Variants in SOX5 observed in about 807,000 individuals in gnomAD.
The protein encoded by SOX5 is SRY-box transcription factor 5.
In SOX5, 9 loss-of-function variants were observed where a neutral mutation model predicts 92.0. The observed-to-expected ratio is 0.10, with a 90% confidence interval of 0.06 to 0.17. The LOEUF (loss-of-function observed/expected upper bound fraction) is 0.17, where lower values mean the gene tolerates loss of function less well. Ranked by LOEUF, SOX5 falls within the 10% of genes least tolerant of loss-of-function variation. The pLI is 1.00. For synonymous variants in SOX5, 344 were observed against 336.3 expected (o/e 1.02, Z -0.25); for missense variants, 642 against 944.5 (o/e 0.68, Z 4.20).
At chr12:24,413,841 G>C (rs1479086089) in intron 1 of SOX5, among the ~76,000 whole-genome samples, 4 of 152,180 alleles carry the variant, frequency 2.6e-5, no homozygotes, top group Non-Finnish European at 5.9e-5. Context: ...CAGGCTACCA[G>C]AGTGGCAAAT....
chr12:23,802,807 A>G (rs985440731), intron 3 of SOX5, among the ~76,000 whole-genome samples: 3 of 152,128 alleles, frequency 2.0e-5, no homozygotes, highest in African/African-American at 4.8e-5. Context: ...TAACTCTGCA[A>G]CTCACATAAT....
chr12:23,900,981 C>G (rs1339117093), intron 1 of SOX5, among the ~76,000 whole-genome samples: 1 of 152,012 alleles, frequency 6.6e-6, no homozygotes, highest in Non-Finnish European at 1.5e-5. Context: ...CAAAAAACAA[C>G]AGAAGAAAGA....
At chr12:23,785,135 GA>G (rs2095356036) in intron 3 of SOX5, among the ~76,000 whole-genome samples, 1 of 152,096 alleles carries the variant, frequency 6.6e-6, no homozygotes, top group Non-Finnish European at 1.5e-5. Flanking sequence ...CATCTTCTTT[GA>G]GAAAGATCAC....
chr12:24,316,758 TA>T (rs1949731228), intron 2 of SOX5, among the ~76,000 whole-genome samples: 1 of 152,224 alleles, frequency 6.6e-6, no homozygotes, highest in African/African-American at 2.4e-5. Context: ...AGGCTTCCTT[TA>T]AAAAGCATTC....
intron 2 of SOX5, among the ~76,000 whole-genome samples, chr12:24,334,711 AG>A (rs1951697223): frequency 6.6e-6 from 1 of 152,190 alleles, no homozygotes; most frequent in African/African-American, 2.4e-5. Flanking sequence ...TATAATTTAC[AG>A]CAAAACATTA....
At chr12:23,980,606 C>T (rs1949482674) in intron 4 of SOX5, among the ~76,000 whole-genome samples, 1 of 152,142 alleles carries the variant, frequency 6.6e-6, no homozygotes, top group Admixed American at 6.5e-5. Context: ...AAACATCTGC[C>T]AAATGACAAC....
chr12:24,383,766 G>A (rs1404861410), intron 1 of SOX5, among the ~76,000 whole-genome samples: 1 of 152,138 alleles, frequency 6.6e-6, no homozygotes, highest in Non-Finnish European at 1.5e-5. Context: ...ACTGGTTGGG[G>A]GGTACTGGGG....
At chr12:24,058,768 G>A (rs1456436097) in intron 4 of SOX5, among the ~76,000 whole-genome samples, 2 of 151,532 alleles carry the variant, frequency 1.3e-5, no homozygotes, top group African/African-American at 4.8e-5. Context: ...CCTTCATCAG[G>A]TTGCTGTAAT....
chr12:23,885,523 T>C (rs1235885925), intron 2 of SOX5, among the ~76,000 whole-genome samples: 1 of 152,166 alleles, frequency 6.6e-6, no homozygotes, highest in Non-Finnish European at 1.5e-5. Context: ...AATGATAACA[T>C]TGTTTGCCCT....
At chr12:24,212,209 T>C (rs753010258) in intron 4 of SOX5, among the ~76,000 whole-genome samples, 1 of 152,036 alleles carries the variant, frequency 6.6e-6, no homozygotes, top group Non-Finnish European at 1.5e-5. Context: ...GGGTAAGGAG[T>C]GTTCTCTCAA....
intron 1 of SOX5, among the ~76,000 whole-genome samples, chr12:24,375,702 C>T (rs867914939): frequency 9.5e-5 from 14 of 146,836 alleles, no homozygotes; most frequent in South Asian, 2.1e-4. Flanking sequence ...CGCCATTGCA[C>T]TCCAGCCTAG....
At chr12:24,345,357 A>G (rs1270063244) in intron 2 of SOX5, among the ~76,000 whole-genome samples, 1 of 152,100 alleles carries the variant, frequency 6.6e-6, no homozygotes, top group Non-Finnish European at 1.5e-5. Context: ...GCCTACACCA[A>G]CTTCCAAGCC....
chr12:24,356,376 A>C (rs1352820290), intron 2 of SOX5, among the ~76,000 whole-genome samples: 1 of 152,122 alleles, frequency 6.6e-6, no homozygotes, highest in Non-Finnish European at 1.5e-5. Context: ...AGAAACATGC[A>C]AATGCTTTTC....
intron 3 of SOX5, chr12:24,238,015 G>A (rs1256587110): frequency 1.3e-5 from 2 of 152,164 alleles, no homozygotes; most frequent in Admixed American, 1.3e-4. Flanking sequence ...AACCTCAGCT[G>A]AAGAGGAACA....
chr12:23,575,977 C>G (rs550983972), intron 9 of SOX5, 139 bp from the exon 10 acceptor site: 1 of 604,402 alleles, frequency 1.7e-6, no homozygotes, highest in African/African-American at 1.9e-5. Context: ...CTGAACATTA[C>G]AGCATTTGCT....
At chr12:24,456,909 T>C (rs531762046) in intron 1 of SOX5, among the ~76,000 whole-genome samples, 3 of 152,314 alleles carry the variant, frequency 2.0e-5, no homozygotes, top group Admixed American at 6.5e-5. Context: ...ATCATTTACT[T>C]TGAAAGATCA....
At chr12:24,423,116 G>A (rs1412975159) in intron 1 of SOX5, among the ~76,000 whole-genome samples, 1 of 152,160 alleles carries the variant, frequency 6.6e-6, no homozygotes, top group Non-Finnish European at 1.5e-5. Context: ...GAAGAAATCT[G>A]CACTCCTATA....
At chr12:24,195,402 C>T (rs923854179) in intron 4 of SOX5, among the ~76,000 whole-genome samples, 3 of 151,948 alleles carry the variant, frequency 2.0e-5, no homozygotes, top group Non-Finnish European at 4.4e-5. Context: ...ACAAGAGAAC[C>T]GAGGCAATTA....
At chr12:24,420,483 T>C (rs1965746711) in intron 1 of SOX5, among the ~76,000 whole-genome samples, 1 of 152,304 alleles carries the variant, frequency 6.6e-6, no homozygotes, top group East Asian at 1.9e-4. Context: ...TGGAGAATGC[T>C]TAAATTCATG....
Sources: gnomAD v4.1 joint callset for allele counts (sites outside exome capture counted in the v4.1 genomes callset) on GRCh38, gnomAD v4.1.1 for gene constraint, MANE v1.5 for transcripts, NCBI Gene and HGNC (gene_info 2026-07-23, HGNC 2026-07-21) for gene names.